THSD4: variants seen among roughly 807,000 people sequenced by gnomAD.
THSD4 encodes thrombospondin type 1 domain containing 4.
In THSD4, 69 loss-of-function variants were observed where a neutral mutation model predicts 119.0. That is an observed-to-expected ratio of 0.58 (90% confidence interval 0.48 to 0.71). The LOEUF (loss-of-function observed/expected upper bound fraction) is 0.71, where lower values mean the gene tolerates loss of function less well. Ranked by LOEUF, THSD4 falls within the 30% of genes least tolerant of loss-of-function variation. The probability of loss-of-function intolerance (pLI) is 0.00; values close to 1 mark genes in which losing one functional copy is unlikely to be tolerated. For synonymous variants in THSD4, 524 were observed against 540.4 expected, an observed-to-expected ratio of 0.97 and a Z score of 0.42; for missense variants, 1,393 against 1,391.1, an observed-to-expected ratio of 1.00 and a Z score of -0.02.
intron 1 of THSD4, among the ~76,000 whole-genome samples, chr15:71,136,587 C>T (rs1379698554): frequency 3.3e-5 from 5 of 151,940 alleles, no homozygotes; most frequent in Non-Finnish European, 5.9e-5. Flanking sequence ...CAGTGAGTCA[C>T]TTCCCCTCCC....
At chr15:71,284,929 G>A (rs2044697811) in intron 6 of THSD4, among the ~76,000 whole-genome samples, 1 of 151,806 alleles carries the variant, frequency 6.6e-6, no homozygotes, top group Non-Finnish European at 1.5e-5. Flanking sequence ...AATAAAGCAA[G>A]CTTTCCTAGG....
chr15:71,639,846 A>AG (rs1022326114), intron 7 of THSD4, among the ~76,000 whole-genome samples: 8 of 150,086 alleles, frequency 5.3e-5, no homozygotes, highest in Admixed American at 6.6e-5. Flanking sequence ...CAAAAAAAAA[A>AG]AAAAGAAAAG....
chr15:71,377,623 C>T (rs1485677326), intron 6 of THSD4, among the ~76,000 whole-genome samples: 8 of 151,814 alleles, frequency 5.3e-5, no homozygotes, highest in Admixed American at 3.9e-4. Context: ...AGAGGGCGGG[C>T]GTGATGAGGC....
chr15:71,525,761 T>A (rs2048509264), intron 7 of THSD4, among the ~76,000 whole-genome samples: 2 of 152,306 alleles, frequency 1.3e-5, no homozygotes, highest in Admixed American at 6.5e-5. Flanking sequence ...GATACATTCT[T>A]TGCATCTCAT....
intron 7 of THSD4, among the ~76,000 whole-genome samples, chr15:71,611,370 G>A (rs1290534940): frequency 6.6e-6 from 1 of 152,198 alleles, no homozygotes; most frequent in South Asian, 2.1e-4. Flanking sequence ...GAGATGAAGG[G>A]TGGGACCAGG....
At chr15:71,336,626 G>A (rs1197807841) in intron 6 of THSD4, among the ~76,000 whole-genome samples, 1 of 152,164 alleles carries the variant, frequency 6.6e-6, no homozygotes, top group East Asian at 1.9e-4. Context: ...GAGACATAAA[G>A]TGTTATATTT....
chr15:71,638,472 C>G (rs529041720), intron 7 of THSD4, among the ~76,000 whole-genome samples: 1 of 152,342 alleles, frequency 6.6e-6, no homozygotes, highest in South Asian at 2.1e-4. Flanking sequence ...AACACTAAAA[C>G]TATTCTAACT....
chr15:71,519,552 G>A (rs1344944298), intron 7 of THSD4, among the ~76,000 whole-genome samples: 1 of 152,146 alleles, frequency 6.6e-6, no homozygotes, highest in Non-Finnish European at 1.5e-5. Flanking sequence ...AATAGAGACA[G>A]TGTTTCACCG....
At chr15:71,172,765 GGTA>G (rs1046402518) in intron 3 of THSD4, among the ~76,000 whole-genome samples, 2 of 129,026 alleles carry the variant, frequency 1.6e-5, no homozygotes, top group African/African-American at 3.0e-5. Context: ...AAAGGAGAAA[GGTA>G]GTCTTTTTAA....
chr15:71,584,064 G>A (rs2049610423), intron 7 of THSD4, among the ~76,000 whole-genome samples: 1 of 151,848 alleles, frequency 6.6e-6, no homozygotes, highest in African/African-American at 2.4e-5. Context: ...TGTCAATATT[G>A]GGTGCTCCAA....
chr15:71,195,327 A>G (rs2043710271), intron 3 of THSD4, among the ~76,000 whole-genome samples: 1 of 152,254 alleles, frequency 6.6e-6, no homozygotes, highest in Non-Finnish European at 1.5e-5. Flanking sequence ...TGTTGAGTTT[A>G]GCAAAAGACA....
intron 6 of THSD4, among the ~76,000 whole-genome samples, chr15:71,318,747 T>A (rs2045225125): frequency 6.6e-6 from 1 of 152,094 alleles, no homozygotes; most frequent in Non-Finnish European, 1.5e-5. Flanking sequence ...GAGCAATGAA[T>A]CTAAGACTTA....
chr15:71,748,543 C>G lies in THSD4; in HGVS notation c.2364C>G (p.Cys788Trp). The G allele has an allele frequency of 1.9e-6, 3 of 1,614,180 alleles. No homozygotes were observed. Among genetic ancestry groups the G allele is most frequent in the Non-Finnish European group, 2.5e-6 (3 of 1,180,026 alleles). The change falls in exon 14 of 18, where the codon TGC becomes TGG. Residue 788 changes from cysteine (C) to tryptophan (W), a missense_variant. Transcript: ENST00000261862. ...MKLRPNDIENCDMGPCAKSWF... is the reference protein window; with the variant it reads ...MKLRPNDIENWDMGPCAKSWF... ...TCCGGCCGAATGACATTGAGAACTGCGACATGGGACCCTGTGCCAAGAGCT... is the reference window on the plus strand; with the variant it reads ...TCCGGCCGAATGACATTGAGAACTGGGACATGGGACCCTGTGCCAAGAGCT...
rs2053170254 is a variant in THSD4 at position 71,738,428 on chromosome 15, G to T, written c.1906+421G>T. 3.3e-5 allele frequency among the ~76,000 whole-genome samples: 5 copies of T among 152,296 alleles called. No homozygotes were observed. In the South Asian group the frequency reaches 8.3e-4, roughly 25 times the overall value. The stretch of plus-strand genomic sequence containing the variant: ...CCTCTGTGAGCCTGTCTATGAGATG[G>T]CTCATGGGTGTGACAGATTGCATTG... On this transcript the variant is annotated intron_variant, in intron 11 of 17. Transcript: ENST00000261862.
intron 7 of THSD4, among the ~76,000 whole-genome samples, chr15:71,554,921 C>G (rs961080368): frequency 2.6e-5 from 4 of 152,054 alleles, no homozygotes; most frequent in Non-Finnish European, 5.9e-5. Flanking sequence ...CACGTATGAA[C>G]TCACCACACA....
intron 1 of THSD4, among the ~76,000 whole-genome samples, chr15:71,126,309 A>T (rs1460371243): frequency 6.6e-6 from 1 of 152,096 alleles, no homozygotes; most frequent in Non-Finnish European, 1.5e-5. Context: ...GGGACATGTC[A>T]TTGGGGACCT....
intron 7 of THSD4, among the ~76,000 whole-genome samples, chr15:71,442,600 ATGTGTGTGTGTG>A (rs1296595218): frequency 2.2e-5 from 1 of 44,842 alleles, no homozygotes; most frequent in Non-Finnish European, 4.6e-5. Context: ...ATATATATAT[ATGTGTGTGTGTG>A]TGTGTGTATA....
At position 71,417,546 on chromosome 15, in the gene THSD4, T is replaced by C. The variant is rs1169987199; in HGVS notation, c.1152+5723T>C. Among the ~76,000 whole-genome samples the C allele has an allele frequency of 3.7e-5, 4 of 107,678 alleles. 2 individuals are homozygous for C. The highest frequency in any genetic ancestry group is 8.1e-5 in the Non-Finnish European group (4 of 49,122). 70.6% of individuals were successfully genotyped at this position (107,678 alleles called of 152,430 possible). ...CCCTTTAATGAAAATGAGTTCACTG[T>C]AGATGTGTGGATTTATTTCTAGGTT... On this transcript the variant is annotated intron_variant, in intron 7 of 17. Coordinates refer to ENST00000261862, the MANE Select transcript of THSD4 (RefSeq NM_024817.3).
chr15:71,312,777 A>G (rs2045130209), intron 6 of THSD4, among the ~76,000 whole-genome samples: 1 of 151,840 alleles, frequency 6.6e-6, no homozygotes, highest in South Asian at 2.1e-4. Flanking sequence ...GGACCTTTGC[A>G]CTTGCTCTTT....
Sources: allele counts gnomAD v4.1 joint callset (sites outside exome capture counted in the v4.1 genomes callset), GRCh38; gene constraint gnomAD v4.1.1; transcripts MANE v1.5; gene names NCBI Gene and HGNC (gene_info 2026-07-23, HGNC 2026-07-21).